Variants in TMEM117 observed in about 807,000 individuals in gnomAD.
TMEM117 encodes transmembrane protein 117.
Under a neutral mutation model 52.4 loss-of-function variants are expected in TMEM117, and 27 were observed. The observed-to-expected ratio is 0.51, with a 90% CI of 0.38 to 0.71. The LOEUF (loss-of-function observed/expected upper bound fraction) is 0.71. Ranked by LOEUF, TMEM117 falls within the 30% of genes least tolerant of loss-of-function variation. The pLI is 0.00. For synonymous variants in TMEM117, 215 were observed against 206.3 expected, an observed-to-expected ratio of 1.04 and a Z score of -0.36; for missense variants, 556 against 630.5, an observed-to-expected ratio of 0.88 and a Z score of 1.26.
rs147726575 is a variant in TMEM117 at position 43,861,547 on chromosome 12, A to C, written c.277+16619A>C. 6.2e-3 allele frequency among the ~76,000 whole-genome samples: 950 copies of C among 152,352 alleles called. 3 individuals carry two copies. The highest frequency in any genetic ancestry group is 0.01 in the Non-Finnish European group (705 of 68,030). On this transcript the variant is annotated intron_variant, in intron 2 of 7. Coordinates refer to ENST00000266534, the MANE Select transcript of TMEM117 (RefSeq NM_032256.3). Reference sequence around the variant, plus strand: ...AAAGAGGACAGAGAATTTGCTTAACAGCTGAATTCTAGATGACAGATCAAA... The same window carrying C: ...AAAGAGGACAGAGAATTTGCTTAACCGCTGAATTCTAGATGACAGATCAAA...
chr12:43,822,901 CG>C, the TMEM117 span, among the ~76,000 whole-genome samples: 2 of 141,496 alleles, frequency 1.4e-5, no homozygotes, highest in Non-Finnish European at 1.5e-5. Context: ...GACCCTGTCT[CG>C]AAAAAAAAAA....
At position 44,279,702 on chromosome 12, in the gene TMEM117, C is replaced by T. The variant is rs1041332617; in HGVS notation, c.609-19878C>T. On this transcript the variant is annotated intron_variant, in intron 5 of 7. Transcript: ENST00000266534. ...CTAATTTTTTGTATTTTAGTAGAAA[C>T]GGGGTTTCACTGTGTTGCCCAGGCT... is the stretch of plus-strand genomic sequence containing the variant. Among the ~76,000 whole-genome samples the T allele has an allele frequency of 3.9e-5, 6 of 151,986 alleles. No homozygotes were observed. The South Asian group carries it at 6.2e-4, about 16-fold the overall frequency.
intron 4 of TMEM117, among the ~76,000 whole-genome samples, chr12:44,150,868 TA>T (rs1321404830): frequency 1.1e-4 from 16 of 151,918 alleles, no homozygotes; most frequent in Admixed American, 1.1e-3. Context: ...GATTTCCGGG[TA>T]AAAAAGGTTG....
intron 4 of TMEM117, among the ~76,000 whole-genome samples, chr12:44,206,207 T>C (rs1592605326): frequency 6.6e-6 from 1 of 152,242 alleles, no homozygotes. Context: ...AGGGACAGGC[T>C]CTGCCTTGTT....
At chr12:44,373,949 T>C (rs993562564) in intron 6 of TMEM117, among the ~76,000 whole-genome samples, 3 of 151,822 alleles carry the variant, frequency 2.0e-5, no homozygotes, top group Admixed American at 6.6e-5. Flanking sequence ...ACCTGGCTAA[T>C]TTTTGTATTT....
chr12:44,310,929 C>G (rs1216805831), intron 6 of TMEM117, among the ~76,000 whole-genome samples: 1 of 152,044 alleles, frequency 6.6e-6, no homozygotes, highest in Non-Finnish European at 1.5e-5. Flanking sequence ...TTTCTCAGCT[C>G]TCATGTAACT....
At chr12:44,230,837 A>C (rs927107347) in intron 5 of TMEM117, among the ~76,000 whole-genome samples, 3 of 151,936 alleles carry the variant, frequency 2.0e-5, no homozygotes, top group Non-Finnish European at 4.4e-5. Context: ...CATTTCTTTA[A>C]TTCCTAGATG....
intron 3 of TMEM117, among the ~76,000 whole-genome samples, chr12:44,114,536 C>A (rs1324306898): frequency 6.6e-6 from 1 of 152,114 alleles, no homozygotes; most frequent in Non-Finnish European, 1.5e-5. Flanking sequence ...TCAAGCCTTC[C>A]ATCTGCTTGG....
chr12:44,175,672 GTTATTTA>G (rs1475160210), intron 4 of TMEM117, among the ~76,000 whole-genome samples: 1 of 152,136 alleles, frequency 6.6e-6, no homozygotes, highest in Non-Finnish European at 1.5e-5. Flanking sequence ...CCACCATTTA[GTTATTTA>G]TTTATGTTTT....
At chr12:43,897,371 G>A (rs2951435) in intron 2 of TMEM117, among the ~76,000 whole-genome samples, 104,207 of 149,688 alleles carry the variant, frequency 0.7, 40,440 homozygotes, top group East Asian at 0.87. Flanking sequence ...GGGTACAATG[G>A]CATGATCTTG....
chr12:43,877,512 G>A (rs1943819247), intron 2 of TMEM117, among the ~76,000 whole-genome samples: 1 of 151,860 alleles, frequency 6.6e-6, no homozygotes, highest in African/African-American at 2.4e-5. Flanking sequence ...GTGGGCACCT[G>A]TCATCCTAGC....
At chr12:44,164,866 A>G (rs1215747147) in intron 4 of TMEM117, among the ~76,000 whole-genome samples, 7 of 152,220 alleles carry the variant, frequency 4.6e-5, no homozygotes, top group Non-Finnish European at 1.5e-5. Flanking sequence ...GTAATGATTA[A>G]ATCAGGGTAT....
chr12:44,328,250 G>T (rs1951221952), intron 6 of TMEM117, among the ~76,000 whole-genome samples: 1 of 152,126 alleles, frequency 6.6e-6, no homozygotes, highest in African/African-American at 2.4e-5. Context: ...ACTCCTTGAA[G>T]GCACAGCCAT....
In TMEM117 at chr12:43,972,724, A is replaced by G. The variant is rs982009782; in HGVS notation, c.410+28382A>G. Among the ~76,000 whole-genome samples the G allele has an allele frequency of 5.9e-5, 9 of 152,080 alleles. 1 individual carries two copies. Among genetic ancestry groups the G allele is most frequent in the Admixed American group, 2.0e-4 (3 of 15,274 alleles). ...TGGTGGATTTTACAAACCTCTAGCT[A>G]GCTACAGAGCGCTGATGGCTGTGTT... On this transcript the variant is annotated intron_variant, in intron 3 of 7. Transcript: ENST00000266534.
At chr12:43,928,705 T>C (rs1306643256) in intron 2 of TMEM117, among the ~76,000 whole-genome samples, 1 of 150,780 alleles carries the variant, frequency 6.6e-6, no homozygotes, top group East Asian at 2.0e-4. Flanking sequence ...TAACTCGTCA[T>C]CTAGCATTAG....
In TMEM117 at chr12:44,030,496, A is replaced by G. The variant is rs1052314093; in HGVS notation, c.410+86154A>G. On this transcript the variant is annotated intron_variant, in intron 3 of 7. Coordinates refer to ENST00000266534, the MANE Select transcript of TMEM117 (RefSeq NM_032256.3). ...CAAAAGTAAAAGTCACTAAGAGTTA[A>G]CAGTGTAATGTGTATTTGAGACTCC... Among the ~76,000 whole-genome samples the G allele has an allele frequency of 2.0e-5, 3 of 152,212 alleles. No individual in the cohort carries two copies. In the South Asian group the frequency reaches 6.2e-4, roughly 32 times the overall value.
intron 2 of TMEM117, among the ~76,000 whole-genome samples, chr12:43,850,118 T>A (rs1943280725): frequency 6.6e-6 from 1 of 152,068 alleles, no homozygotes; most frequent in African/African-American, 2.4e-5. Context: ...GGAAACAACA[T>A]TTAATAGGGC....
At chr12:44,015,741 C>T (rs1198092168) in intron 3 of TMEM117, among the ~76,000 whole-genome samples, 2 of 152,018 alleles carry the variant, frequency 1.3e-5, no homozygotes, top group Non-Finnish European at 2.9e-5. Flanking sequence ...CCCAAGTTGA[C>T]CTCTAATAGT....
rs1056925132 is a variant in TMEM117, at chr12:44,096,316, C to T, written c.411-47209C>T. 2.4e-4 allele frequency among the ~76,000 whole-genome samples: 37 copies of T among 152,124 alleles called. No individual in the cohort carries two copies. In the South Asian group the frequency reaches 4.8e-3, roughly 20 times the overall value. On this transcript the variant is annotated intron_variant, in intron 3 of 7. Coordinates refer to ENST00000266534, the MANE Select transcript of TMEM117 (RefSeq NM_032256.3). The stretch of plus-strand genomic sequence containing the variant: ...AGGTAATTTATAGATTCAATGCCAT[C>T]CCCATCAAGCTACCAATGACTTTCT...
Sources: gnomAD v4.1 joint callset for allele counts (sites outside exome capture counted in the v4.1 genomes callset) on GRCh38, gnomAD v4.1.1 for gene constraint, MANE v1.5 for transcripts, NCBI Gene and HGNC (gene_info 2026-07-23, HGNC 2026-07-21) for gene names.